Variants in CNTN6 observed in about 807,000 individuals in gnomAD.
CNTN6 encodes contactin 6, also known as contactin-6.
A neutral mutation model predicts 122.8 loss-of-function variants in CNTN6; 137 were observed. The observed-to-expected ratio is 1.12, with a 90% CI of 0.97 to 1.29. The LOEUF is 1.29. Ranked by LOEUF, CNTN6 falls within the 50% of genes most tolerant of loss-of-function variation. The pLI is 0.00. For synonymous variants in CNTN6, 570 were observed against 426.0 expected (o/e 1.34, Z -4.16); for missense variants, 1,634 against 1,223.4 (o/e 1.34, Z -5.01).
intron 2 of CNTN6, among the ~76,000 whole-genome samples, chr3:1,217,656 A>G (rs2094146452): frequency 6.6e-6 from 1 of 152,214 alleles, no homozygotes; most frequent in South Asian, 2.1e-4. Context: ...AGGAAAGAAC[A>G]GTTTTAGTCC....
chr3:1,386,516 T>C (rs570493442), intron 20 of CNTN6, among the ~76,000 whole-genome samples: 2 of 152,330 alleles, frequency 1.3e-5, no homozygotes, highest in Non-Finnish European at 2.9e-5. Flanking sequence ...ATTTTCTGAC[T>C]GAGTCTGGTA....
intron 5 of CNTN6, among the ~76,000 whole-genome samples, chr3:1,286,730 C>T (rs1329816854): frequency 6.6e-6 from 1 of 152,070 alleles, no homozygotes; most frequent in African/African-American, 2.4e-5. Context: ...AAGACACAGA[C>T]TGGCAAATTG....
At chr3:1,243,589 C>G (rs370462421) in intron 4 of CNTN6, among the ~76,000 whole-genome samples, 7,440 of 149,298 alleles carry the variant, frequency 0.05, 268 homozygotes, top group East Asian at 0.13. Context: ...TGCTGCCGAG[C>G]GAGCCATGAA....
intron 2 of CNTN6, among the ~76,000 whole-genome samples, chr3:1,192,388 C>A (rs543883075): frequency 6.6e-6 from 1 of 152,116 alleles, no homozygotes; most frequent in Non-Finnish European, 1.5e-5. Context: ...AAATTAATAT[C>A]TTCTGGCCAG....
chr3:1,297,092 C>T (rs559172101), intron 6 of CNTN6, among the ~76,000 whole-genome samples: 149 of 152,192 alleles, frequency 9.8e-4, no homozygotes, highest in African/African-American at 3.3e-3. Flanking sequence ...ACTACCTTCT[C>T]ACCATAACCT....
intron 8 of CNTN6, among the ~76,000 whole-genome samples, chr3:1,323,629 T>C (rs1701156115): frequency 6.6e-6 from 1 of 151,808 alleles, no homozygotes. Context: ...CAAGTAATAT[T>C]GTATATCCAT....
chr3:1,372,372 G>A lies in CNTN6; in HGVS notation c.1566G>A (p.Gln522=), dbSNP rs1709157888. 1.2e-6 allele frequency: 2 copies of A among 1,613,444 alleles called. No individual in the cohort carries two copies. Among genetic ancestry groups the A allele is most frequent in the Middle Eastern group, 1.7e-4 (1 of 6,060 alleles). Residue 522 remains glutamine (Q), a synonymous_variant, in exon 13 of 23, where the codon CAG becomes CAA. Coordinates refer to ENST00000446702, the MANE Select transcript of CNTN6 (RefSeq NM_001289080.2). ...GCGAGAGTATAGTGCTACCATGCCAGGTGTCCCATGACCCCTCCATTGAAG... is the reference window on the plus strand; with the variant it reads ...GCGAGAGTATAGTGCTACCATGCCAAGTGTCCCATGACCCCTCCATTGAAG... ...TVGESIVLPC[Q]VSHDPSIEVV...
At position 1,300,563 on chromosome 3, in the gene CNTN6, AAG is replaced by A. The variant is rs753678624; in HGVS notation, c.761+2574_761+2575del. The stretch of plus-strand genomic sequence containing the variant: ...AGAGAAAGAAAGAGAAAGAAAAAGA[AAG>A]AAAGAAAGAAAGAAAGAAAGAAAGA... On this transcript the variant is annotated intron_variant, in intron 7 of 22. Coordinates refer to ENST00000446702, the MANE Select transcript of CNTN6 (RefSeq NM_001289080.2). 1.7e-4 allele frequency among the ~76,000 whole-genome samples: 7 copies of A among 40,964 alleles called. No homozygotes were observed. In the South Asian group the frequency reaches 2.8e-3, roughly 17 times the overall value. The allele number at this position is 40,964 out of a possible 152,430, so 26.9% of individuals were successfully genotyped here. A position where few individuals can be genotyped will look rare whatever the true frequency, so the allele number is the denominator to read the frequency against.
intron 11 of CNTN6, among the ~76,000 whole-genome samples, chr3:1,343,035 C>T (rs867287956): frequency 2.6e-5 from 4 of 152,224 alleles, no homozygotes; most frequent in African/African-American, 9.6e-5. Flanking sequence ...CCTCCTTCTC[C>T]TCAGCCTACT....
At position 1,354,900 on chromosome 3, in the gene CNTN6, G is replaced by A. The variant is rs572730448; in HGVS notation, c.1492+2449G>A. On this transcript the variant is annotated intron_variant, in intron 12 of 22. Coordinates refer to ENST00000446702, the MANE Select transcript of CNTN6 (RefSeq NM_001289080.2). ...TAATCTTTTATTTCTGACAGACATC[G>A]ATCACCTCACTCTCCTAAGGGGGTA... 5.5e-4 allele frequency among the ~76,000 whole-genome samples: 84 copies of A among 151,410 alleles called. 1 individual carries two copies. The South Asian group carries it at 9.4e-3, about 17-fold the overall frequency.
At chr3:1,300,791 T>TTC (rs573219790) in intron 7 of CNTN6, among the ~76,000 whole-genome samples, 4 of 151,128 alleles carry the variant, frequency 2.6e-5, no homozygotes, top group Non-Finnish European at 5.9e-5. Context: ...TACATTCCCT[T>TTC]TCTCTCTCTC....
chr3:1,196,314 G>C lies in CNTN6; in HGVS notation c.56-24373G>C, dbSNP rs530318480. Among the ~76,000 whole-genome samples, 7 of 152,264 alleles carry C rather than the reference G, an allele frequency of 4.6e-5. No individual in the cohort carries two copies. In the South Asian group the frequency reaches 1.2e-3, roughly 27 times the overall value. ...GGCTGGGATAGAGGCAGTGTGCTTT[G>C]AGTAAGGCTCTTCAGTTGGGGCCTG... On this transcript the variant is annotated intron_variant, in intron 2 of 22. Coordinates refer to ENST00000446702, the MANE Select transcript of CNTN6 (RefSeq NM_001289080.2).
chr3:1,399,797 C>G (rs1189810026), intron 20 of CNTN6, among the ~76,000 whole-genome samples: 1 of 152,078 alleles, frequency 6.6e-6, no homozygotes, highest in South Asian at 2.1e-4. Context: ...GTTAGTAATA[C>G]AGAGTTGAGT....
intron 1 of CNTN6, among the ~76,000 whole-genome samples, chr3:1,124,517 C>T (rs550183828): frequency 1.3e-5 from 2 of 151,832 alleles, no homozygotes; most frequent in South Asian, 2.1e-4. Flanking sequence ...ATGATATAAT[C>T]GAGTTTGGGG....
At chr3:1,150,690 T>C (rs2092821600) in intron 2 of CNTN6, among the ~76,000 whole-genome samples, 2 of 152,208 alleles carry the variant, frequency 1.3e-5, no homozygotes, top group African/African-American at 2.4e-5. Context: ...TTCATTGATA[T>C]GCATGACAGG....
At chr3:1,375,934 T>C (rs1299582113) in intron 16 of CNTN6, among the ~76,000 whole-genome samples, 1 of 152,066 alleles carries the variant, frequency 6.6e-6, no homozygotes, top group Non-Finnish European at 1.5e-5. Flanking sequence ...TTTATTTAGG[T>C]GGTCTATATG....
At chr3:1,401,346 A>C in intron 20 of CNTN6, 87 bp from the exon 21 acceptor site, 1 of 1,017,598 alleles carries the variant, frequency 9.8e-7, no homozygotes, top group Non-Finnish European at 1.5e-6. Flanking sequence ...ATCATCGAAG[A>C]CTTATTTTTT....
At chr3:1,331,891 TA>T (rs912337039) in intron 11 of CNTN6, among the ~76,000 whole-genome samples, 44 of 151,886 alleles carry the variant, frequency 2.9e-4, no homozygotes, top group African/African-American at 1.0e-3. Context: ...AACTGCTTTT[TA>T]AAACAGCTCT....
At chr3:1,327,613 A>T in intron 10 of CNTN6, 27 bp downstream of exon 10, 1 of 1,602,696 alleles carries the variant, frequency 6.2e-7, no homozygotes, top group Non-Finnish European at 8.5e-7. Context: ...CAACCAACAA[A>T]TTCAAAATGA....
Sources: gnomAD v4.1 joint callset for allele counts (sites outside exome capture counted in the v4.1 genomes callset) on GRCh38, gnomAD v4.1.1 for gene constraint, MANE v1.5 for transcripts, NCBI Gene and HGNC (gene_info 2026-07-23, HGNC 2026-07-21) for gene names.